AFF3: variants seen among roughly 807,000 people sequenced by gnomAD.
AFF3 encodes the protein AF4/FMR2 family member 3.
A neutral mutation model predicts 129.7 loss-of-function variants in AFF3; 32 were observed. The ratio of observed to expected loss-of-function variants is 0.25; its 90% CI spans 0.19 to 0.33. The LOEUF is 0.33. Among genes scored for constraint, AFF3 ranks in the 10% least tolerant of loss-of-function variants. The probability of loss-of-function intolerance (pLI) is 1.00; values close to 1 mark genes in which losing one functional copy is unlikely to be tolerated. For missense variants in AFF3, 1,373 were observed against 1,592.0 expected (o/e 0.86, Z 2.34); for synonymous variants, 644 against 635.4 (o/e 1.01, Z -0.20).
chr2:99,965,777 C>T (rs1019495305), intron 7 of AFF3, among the ~76,000 whole-genome samples: 2 of 152,270 alleles, frequency 1.3e-5, no homozygotes, highest in African/African-American at 4.8e-5. Flanking sequence ...TGGCACCAAC[C>T]ACAGGTGACC....
rs1559460710 is a variant in AFF3 at position 99,549,193 on chromosome 2, AG to A, written c.*2280del. 1 of 215,424 alleles carries A rather than the reference AG, an allele frequency of 4.6e-6. No homozygotes were observed. The highest frequency in any genetic ancestry group is 2.3e-5 in the African/African-American group (1 of 44,350). The allele number at this position is 215,424 out of a possible 1,614,324, so 13.3% of individuals were successfully genotyped here. A position where few individuals can be genotyped will look rare whatever the true frequency, so the allele number is the denominator to read the frequency against. On this transcript the variant is annotated 3_prime_UTR_variant, in exon 25 of 25. Transcript: ENST00000672756. The stretch of plus-strand genomic sequence containing the variant: ...TATTTCATCAGGATTCTTCAAGAGT[AG>A]GTAGAACAAAGCCTCAGTCCTCCAA...
intron 7 of AFF3, among the ~76,000 whole-genome samples, chr2:99,955,386 G>A (rs73964380): frequency 0.086 from 13,090 of 152,126 alleles, 1,576 homozygotes; most frequent in African/African-American, 0.27. Context: ...CTTCTGTGAC[G>A]CTTTACTACT....
At chr2:99,837,815 C>T (rs376467733) in intron 7 of AFF3, among the ~76,000 whole-genome samples, 4 of 152,074 alleles carry the variant, frequency 2.6e-5, no homozygotes, top group African/African-American at 4.8e-5. Context: ...GGGTACAGAA[C>T]GTGACCTGCA....
At chr2:99,597,525 C>T (rs1679407918) in intron 14 of AFF3, among the ~76,000 whole-genome samples, 1 of 152,252 alleles carries the variant, frequency 6.6e-6, no homozygotes, top group African/African-American at 2.4e-5. Flanking sequence ...CATCTCTCCT[C>T]CTAATAAGAA....
intron 11 of AFF3, among the ~76,000 whole-genome samples, chr2:99,696,021 CT>C (rs1174318807): frequency 6.7e-6 from 1 of 149,442 alleles, no homozygotes; most frequent in Non-Finnish European, 1.5e-5. Flanking sequence ...TCCAACAGGG[CT>C]CTTTAACTGA....
Position 100,125,902 on chromosome 2 carries a change from C to T in AFF3, c.-145+3322G>A, listed in dbSNP as rs76988772. ...CCAGGTTTACACAGGCATGGTAGGC[C>T]ACATTCAGGATGCTGATGAACTGCT... On this transcript the variant is annotated intron_variant, in intron 2 of 24. Transcript: ENST00000672756. Among the ~76,000 whole-genome samples, 911 of 152,266 alleles carry T rather than the reference C, an allele frequency of 6.0e-3. 7 individuals are homozygous for T. The highest frequency in any genetic ancestry group is 0.021 in the African/African-American group (877 of 41,560).
intron 7 of AFF3, among the ~76,000 whole-genome samples, chr2:99,907,872 C>T (rs1207511708): frequency 6.6e-6 from 1 of 152,072 alleles, no homozygotes; most frequent in African/African-American, 2.4e-5. Flanking sequence ...TCCTTTTTGT[C>T]CCACTAGAGT....
intron 7 of AFF3, among the ~76,000 whole-genome samples, chr2:99,956,078 C>T (rs949241438): frequency 6.6e-6 from 1 of 151,008 alleles, no homozygotes; most frequent in African/African-American, 2.4e-5. Flanking sequence ...TGGAGAACAG[C>T]CTTCAAAAAT....
chr2:99,593,834 C>T lies in AFF3; in HGVS notation c.1827G>A (p.Ala609=). The T allele has an allele frequency of 6.2e-7, 1 of 1,603,658 alleles. No homozygotes were observed. The change falls in exon 15 of 25, where the codon GCG becomes GCA. Residue 609 remains alanine, a synonymous_variant. Coordinates refer to ENST00000672756, the MANE Select transcript of AFF3 (RefSeq NM_001386135.1). ...GANCHRPEEP[A]AADALGTSVV... ...CGCTCGTCCCCAGCGCGTCCGCGGCCGCGGGCTCCTCGGGCCGGTGGCAGT... is the reference window on the plus strand; with the variant it reads ...CGCTCGTCCCCAGCGCGTCCGCGGCTGCGGGCTCCTCGGGCCGGTGGCAGT...
Position 99,837,502 on chromosome 2 carries a change from T to C in AFF3, c.896A>G (p.Asn299Ser), listed in dbSNP as rs1250431020. Residue 299 changes from asparagine (N) to serine (S), a missense_variant, in exon 8 of 25, where the codon AAC becomes AGC. Asn to Ser is a conservative substitution (Grantham distance 46, BLOSUM62 1). This residue lies in a region of AFF3 where 413 missense variants were observed against 424.4 expected (regional missense o/e 0.97). Transcript: ENST00000672756. ...CCGGATTATTTCTTCAACACAGCTGTTGGTTTCTCCAGATCTACTCTCCTG... is the reference window on the plus strand; with the variant it reads ...CCGGATTATTTCTTCAACACAGCTGCTGGTTTCTCCAGATCTACTCTCCTG... ...QGEESRSGET[N>S]SCVEEIIREM... 1.2e-6 allele frequency: 2 copies of C among 1,613,852 alleles called. No individual in the cohort carries two copies. The highest frequency in any genetic ancestry group is 2.2e-5 in the East Asian group (1 of 44,872).
At chr2:100,113,805 GCA>G (rs1409594490) in intron 2 of AFF3, among the ~76,000 whole-genome samples, 2 of 152,108 alleles carry the variant, frequency 1.3e-5, no homozygotes, top group Non-Finnish European at 2.9e-5. Context: ...ACAGAATAGA[GCA>G]CAGAGGCCAG....
intron 8 of AFF3, among the ~76,000 whole-genome samples, chr2:99,830,537 A>T (rs776868856): frequency 2.0e-5 from 3 of 152,150 alleles, no homozygotes; most frequent in Admixed American, 6.5e-5. Flanking sequence ...GGATCATGTG[A>T]GGTCAGGAGT....
At chr2:99,842,149 A>G (rs1689362998) in intron 7 of AFF3, among the ~76,000 whole-genome samples, 1 of 152,130 alleles carries the variant, frequency 6.6e-6, no homozygotes, top group Non-Finnish European at 1.5e-5. Context: ...ATTCCACCTT[A>G]TCTTTTCCAA....
At chr2:99,636,581 G>T (rs1232151394) in intron 13 of AFF3, among the ~76,000 whole-genome samples, 3 of 152,226 alleles carry the variant, frequency 2.0e-5, no homozygotes, top group African/African-American at 7.2e-5. Flanking sequence ...CATAGAGGAA[G>T]TCTGTTCAGA....
intron 17 of AFF3, among the ~76,000 whole-genome samples, 162 bp downstream of exon 17, chr2:99,582,636 G>A (rs1177507661): frequency 6.6e-6 from 1 of 152,236 alleles, no homozygotes; most frequent in African/African-American, 2.4e-5. Context: ...TTGGGACAGT[G>A]AAGGGGGCTG....
intron 10 of AFF3, among the ~76,000 whole-genome samples, chr2:99,739,251 T>C (rs904537204): frequency 6.6e-6 from 1 of 152,054 alleles, no homozygotes; most frequent in African/African-American, 2.4e-5. Context: ...CACTAAAACT[T>C]GTTCCTGTCT....
At chr2:100,036,853 G>GA (rs1347761267) in intron 4 of AFF3, among the ~76,000 whole-genome samples, 3 of 148,268 alleles carry the variant, frequency 2.0e-5, no homozygotes, top group African/African-American at 7.4e-5. Flanking sequence ...AAAAAGAAAA[G>GA]AAAAAAACAA....
intron 7 of AFF3, among the ~76,000 whole-genome samples, chr2:99,848,367 T>C (rs1037738747): frequency 3.3e-5 from 5 of 152,216 alleles, no homozygotes; most frequent in African/African-American, 9.6e-5. Context: ...AATGCAGATA[T>C]TCCTGCTTCA....
chr2:99,969,977 G>C (rs1678193787), intron 7 of AFF3, among the ~76,000 whole-genome samples: 1 of 152,154 alleles, frequency 6.6e-6, no homozygotes, highest in Non-Finnish European at 1.5e-5. Context: ...GGCATTCTCT[G>C]TCTCAGTCTC....
Sources: allele counts gnomAD v4.1 joint callset (sites outside exome capture counted in the v4.1 genomes callset), GRCh38; gene constraint gnomAD v4.1.1; regional missense constraint gnomAD v4.1.1; transcripts MANE v1.5; gene names NCBI Gene and HGNC (gene_info 2026-07-23, HGNC 2026-07-21).